NMRAL1: variants seen among roughly 807,000 people sequenced by gnomAD.
NMRAL1 encodes the protein NmrA like redox sensor 1.
Under a neutral mutation model 27.5 loss-of-function variants are expected in NMRAL1, and 32 were observed. That is an observed-to-expected ratio of 1.16 (90% CI 0.88 to 1.56). The LOEUF (loss-of-function observed/expected upper bound fraction) is 1.56. Among genes scored for constraint, NMRAL1 ranks in the 40% most tolerant of loss-of-function variants. The pLI is 0.00. For synonymous variants in NMRAL1, 166 were observed against 166.8 expected, an observed-to-expected ratio of 1.00 and a Z score of 0.04; for missense variants, 420 against 392.0, an observed-to-expected ratio of 1.07 and a Z score of -0.60.
chr16:4,464,013 G>A (rs1596383474), intron 4 of NMRAL1, 163 bp from the exon 5 acceptor site: 1 of 571,986 alleles, frequency 1.7e-6, no homozygotes, highest in Non-Finnish European at 3.0e-6. Flanking sequence ...GTAGCACAGA[G>A]GCAGCAGTGG....
intron 4 of NMRAL1, 47 bp from the exon 5 acceptor site, chr16:4,463,897 G>T (rs772265902): frequency 6.5e-7 from 1 of 1,549,046 alleles, no homozygotes; most frequent in East Asian, 2.3e-5. Flanking sequence ...GGGCAGACAG[G>T]GGCAGGGACA....
intron 5 of NMRAL1, 141 bp downstream of exon 5, chr16:4,463,519 C>G: frequency 1.5e-6 from 1 of 682,820 alleles, no homozygotes. Flanking sequence ...GCTCCTGGAA[C>G]AGCAGAAAAT....
At chr16:4,473,479 A>G (rs1204388704) in intron 2 of NMRAL1, among the ~76,000 whole-genome samples, 2 of 152,210 alleles carry the variant, frequency 1.3e-5, no homozygotes, top group Non-Finnish European at 2.9e-5. Context: ...ATCATTTGAA[A>G]AAATGATAAC....
chr16:4,462,890 C>G (rs1000063673), intron 5 of NMRAL1, among the ~76,000 whole-genome samples: 1 of 151,608 alleles, frequency 6.6e-6, no homozygotes, highest in Non-Finnish European at 1.5e-5. Flanking sequence ...TGGAGTCTCG[C>G]TCTGTCGCCC....
In NMRAL1 at chr16:4,461,784, A is replaced by T; in HGVS notation, c.896T>A (p.Leu299Gln). Residue 299 changes from leucine (L) to glutamine (Q), a missense_variant, in exon 6 of 6, where the codon CTG becomes CAG. Coordinates refer to ENST00000283429, the MANE Select transcript of NMRAL1 (RefSeq NM_020677.6). ...LEQHKGDFNL[L>Q] ...AGGGGCCGCGAGGCGGGCAGGTCAC[A>T]GCAGGTTGAAGTCCCCTTTGTGCTG... The T allele has an allele frequency of 6.2e-7, 1 of 1,611,286 alleles. No individual in the cohort carries two copies. Among genetic ancestry groups the T allele is most frequent in the Non-Finnish European group, 8.5e-7 (1 of 1,178,746 alleles).
At position 4,474,586 on chromosome 16, in the gene NMRAL1, C is replaced by T. The variant is rs1227394288; in HGVS notation, c.-67G>A. ...AGCGCCGCTCACGGAAGCCCAGCGTCGGAGGACCCCTGGCTGCAGCCGCCA... is the reference window on the plus strand; with the variant it reads ...AGCGCCGCTCACGGAAGCCCAGCGTTGGAGGACCCCTGGCTGCAGCCGCCA... On this transcript the variant is annotated 5_prime_UTR_variant, in exon 1 of 6. Transcript: ENST00000283429. The T allele has an allele frequency of 6.4e-6, 1 of 157,314 alleles. No individual in the cohort carries two copies. The highest frequency in any genetic ancestry group is 1.4e-5 in the Non-Finnish European group (1 of 71,040). 9.7% of individuals were successfully genotyped at this position (157,314 alleles called of 1,614,324 possible).
rs750142956 is a variant in NMRAL1 at position 4,461,879 on chromosome 16, T to C, written c.801A>G (p.Arg267=). The C allele has an allele frequency of 2.9e-4, 474 of 1,613,962 alleles. 2 individuals carry two copies. Among genetic ancestry groups the C allele is most frequent in the Non-Finnish European group, 2.4e-5 (28 of 1,180,016 alleles). Residue 267 remains arginine (R), a synonymous_variant, in exon 6 of 6, where the codon AGA becomes AGG. Coordinates refer to ENST00000283429, the MANE Select transcript of NMRAL1 (RefSeq NM_020677.6). ...LANMFRFYAL[R]PDRDIELTLR... is the part of the protein sequence containing the mutation. ...GGGTCAGCTCGATGTCACGGTCGGGTCTCAGGGCATAGAAACGGAACATGT... is the reference window on the plus strand; with the variant it reads ...GGGTCAGCTCGATGTCACGGTCGGGCCTCAGGGCATAGAAACGGAACATGT...
chr16:4,466,668 G>C, intron 3 of NMRAL1: 1 of 496,944 alleles, frequency 2.0e-6, no homozygotes, highest in Non-Finnish European at 3.7e-6. Context: ...GCTGCAGGGG[G>C]ACGGCCTGCA....
In NMRAL1 at chr16:4,461,778, G is replaced by C. The variant is rs769992191; in HGVS notation, c.*2C>G. 2 of 1,610,156 alleles carry C rather than the reference G, an allele frequency of 1.2e-6. No homozygotes were observed. The highest frequency in any genetic ancestry group is 2.2e-5 in the South Asian group (2 of 90,688). On this transcript the variant is annotated 3_prime_UTR_variant, in exon 6 of 6. Transcript: ENST00000283429. ...CCCACAAGGGGCCGCGAGGCGGGCA[G>C]GTCACAGCAGGTTGAAGTCCCCTTT... is the stretch of plus-strand genomic sequence containing the variant.
At chr16:4,464,443 GT>G (rs1286370557) in intron 4 of NMRAL1, among the ~76,000 whole-genome samples, 2 of 152,096 alleles carry the variant, frequency 1.3e-5, no homozygotes, top group African/African-American at 2.4e-5. Context: ...CCAGGCTGAG[GT>G]TTTGTAGATG....
chr16:4,463,637 G>T (rs2057197372), intron 5 of NMRAL1, 23 bp downstream of exon 5: 2 of 1,610,416 alleles, frequency 1.2e-6, no homozygotes, highest in Admixed American at 3.3e-5. Context: ...GGATGCCTGA[G>T]TCACCTGGGG....
At chr16:4,469,563 T>A in intron 2 of NMRAL1, 98 bp from the exon 3 acceptor site, 1 of 1,555,094 alleles carries the variant, frequency 6.4e-7, no homozygotes, top group Non-Finnish European at 8.7e-7. Flanking sequence ...GCAAGGAGCA[T>A]CCAGGAAACC....
rs973958424 is a variant in NMRAL1 at position 4,461,727 on chromosome 16, C to T, written c.*53G>A. 10 of 1,492,114 alleles carry T rather than the reference C, an allele frequency of 6.7e-6. No individual in the cohort carries two copies. The African/African-American group carries it at 1.3e-4, about 19-fold the overall frequency. The allele number at this position is 1,492,114 out of a possible 1,614,324, so 92.4% of individuals were successfully genotyped here. On this transcript the variant is annotated 3_prime_UTR_variant, in exon 6 of 6. Transcript: ENST00000283429. ...CAATGGCTTTATTCAGATGTTGGTG[C>T]CTCTGCCCCTCTGGTGCCCCCGATC...
intron 5 of NMRAL1, among the ~76,000 whole-genome samples, chr16:4,462,408 G>A (rs1286239075): frequency 3.9e-5 from 6 of 152,164 alleles, no homozygotes; most frequent in African/African-American, 1.4e-4. Context: ...AAACCAGGAG[G>A]TGGAGGTTGC....
chr16:4,467,930 G>GT (rs1208417945), intron 3 of NMRAL1, among the ~76,000 whole-genome samples: 1 of 151,930 alleles, frequency 6.6e-6, no homozygotes, highest in Non-Finnish European at 1.5e-5. Context: ...GATTTCTATG[G>GT]TTTTAAGCCA....
rs1267115112 is a variant in NMRAL1, at chr16:4,469,389, AG to A, written c.116del (p.Pro39LeufsTer9). 1 of 1,614,052 alleles carries A rather than the reference AG, an allele frequency of 6.2e-7. No individual in the cohort carries two copies. The highest frequency in any genetic ancestry group is 8.5e-7 in the Non-Finnish European group (1 of 1,179,990). On this transcript the variant is annotated frameshift_variant, in exon 3 of 6. Transcript: ENST00000283429. LOFTEE classifies it high-confidence loss of function. The stretch of plus-strand genomic sequence containing the variant: ...TCAGCTCCTTTGCTGCCTTCTTCCT[AG>A]GGTTTCGGGTCACCACTCGAACCTT... The part of the protein sequence containing the change: ...TFKVRVVTRN[P>X]RKKAAKELRL...
intron 3 of NMRAL1, among the ~76,000 whole-genome samples, chr16:4,468,414 A>C (rs1237974335): frequency 3.9e-5 from 6 of 152,034 alleles, no homozygotes; most frequent in Non-Finnish European, 7.4e-5. Context: ...TCAGGAGTTC[A>C]AGACCAGCCT....
At position 4,466,740 on chromosome 16, in the gene NMRAL1, G is replaced by A. The variant is rs924616620; in HGVS notation, c.280-338C>T. ...GCTGGTGTGAGAACACCCTGCCCAT[G>A]GAGCTCAGCCATCTTCCTTGGAGAG... On this transcript the variant is annotated intron_variant, in intron 3 of 5. Transcript: ENST00000283429. The A allele has an allele frequency of 1.6e-5, 5 of 303,566 alleles. No individual in the cohort carries two copies. The Admixed American group carries it at 1.8e-4, about 11-fold the overall frequency. 18.8% of individuals were successfully genotyped at this position (303,566 alleles called of 1,614,324 possible). A position where few individuals can be genotyped will look rare whatever the true frequency, so the allele number is the denominator to read the frequency against.
At position 4,463,958 on chromosome 16, in the gene NMRAL1, C is replaced by T. The variant is rs577137538; in HGVS notation, c.530-108G>A. ...TGGTTCTTCCCAGCAGTCAGCTGCA[C>T]ACTCCAGCACTCGGGCATAGCTAAG... On this transcript the variant is annotated intron_variant, in intron 4 of 5. Coordinates refer to ENST00000283429, the MANE Select transcript of NMRAL1 (RefSeq NM_020677.6). 6.9e-4 allele frequency: 537 copies of T among 775,572 alleles called. 1 individual carries two copies. The highest frequency in any genetic ancestry group is 1.0e-3 in the Non-Finnish European group (502 of 479,132). The allele number at this position is 775,572 out of a possible 1,614,324, so 48.0% of individuals were successfully genotyped here. A position where few individuals can be genotyped will look rare whatever the true frequency, so the allele number is the denominator to read the frequency against.
Sources: allele counts gnomAD v4.1 joint callset (sites outside exome capture counted in the v4.1 genomes callset), GRCh38; gene constraint gnomAD v4.1.1; transcripts MANE v1.5; gene names NCBI Gene and HGNC (gene_info 2026-07-23, HGNC 2026-07-21).